SEZ6L: variants seen among roughly 807,000 people sequenced by gnomAD.
SEZ6L encodes the protein seizure related 6 homolog like.
SEZ6L carries 37 observed loss-of-function variants against 106.2 expected under a neutral mutation model. The observed-to-expected ratio is 0.35, with a 90% CI of 0.27 to 0.46. The LOEUF (loss-of-function observed/expected upper bound fraction) is 0.46. Ranked by LOEUF, SEZ6L falls within the 20% of genes least tolerant of loss-of-function variation. The pLI is 1.00. For synonymous variants in SEZ6L, 541 were observed against 570.4 expected (o/e 0.95, Z 0.73); for missense variants, 1,172 against 1,332.8 (o/e 0.88, Z 1.88).
chr22:26,177,080 T>C (rs550375844), intron 1 of SEZ6L, among the ~76,000 whole-genome samples: 37 of 152,322 alleles, frequency 2.4e-4, no homozygotes, highest in Non-Finnish European at 4.4e-4. Flanking sequence ...GTTAAATGAC[T>C]TTTCCTCTTA....
At chr22:26,194,580 C>T (rs1326467972) in intron 1 of SEZ6L, among the ~76,000 whole-genome samples, 1 of 152,148 alleles carries the variant, frequency 6.6e-6, no homozygotes, top group East Asian at 1.9e-4. Context: ...AATGAATCAA[C>T]CATTGGACAT....
intron 1 of SEZ6L, among the ~76,000 whole-genome samples, chr22:26,190,749 A>G (rs1940136280): frequency 6.6e-6 from 1 of 152,226 alleles, no homozygotes; most frequent in South Asian, 2.1e-4. Context: ...AAGGAATGTC[A>G]GGAGATGTTC....
chr22:26,373,948 C>G (rs1468867137), intron 14 of SEZ6L, among the ~76,000 whole-genome samples: 1 of 152,162 alleles, frequency 6.6e-6, no homozygotes, highest in Non-Finnish European at 1.5e-5. Context: ...CTTCTCCCAT[C>G]TCTCCTTACT....
chr22:26,317,387 G>T (rs1446324197), intron 9 of SEZ6L, among the ~76,000 whole-genome samples: 1 of 151,350 alleles, frequency 6.6e-6, no homozygotes, highest in African/African-American at 2.4e-5. Flanking sequence ...CCAGCCCCAG[G>T]CCCCATGAAG....
chr22:26,194,062 T>A (rs1315265620), intron 1 of SEZ6L, among the ~76,000 whole-genome samples: 2 of 152,002 alleles, frequency 1.3e-5, no homozygotes, highest in Non-Finnish European at 2.9e-5. Flanking sequence ...GAGGAGATGA[T>A]CCCTCCTAGA....
intron 1 of SEZ6L, among the ~76,000 whole-genome samples, chr22:26,243,500 G>A (rs1256651732): frequency 6.6e-6 from 1 of 152,188 alleles, no homozygotes; most frequent in East Asian, 1.9e-4. Context: ...GACCACACTG[G>A]GGATGTGCAG....
chr22:26,174,377 C>T (rs1024188700), intron 1 of SEZ6L, among the ~76,000 whole-genome samples: 1 of 152,174 alleles, frequency 6.6e-6, no homozygotes, highest in East Asian at 1.9e-4. Context: ...AACAGAGGAG[C>T]GAGTGGGAGG....
intron 1 of SEZ6L, among the ~76,000 whole-genome samples, chr22:26,174,764 A>T (rs1261196247): frequency 6.6e-6 from 1 of 152,172 alleles, no homozygotes; most frequent in Non-Finnish European, 1.5e-5. Context: ...AAGTATGGTG[A>T]GTTGGGAGGA....
At chr22:26,266,266 C>G (rs1162516523) in intron 1 of SEZ6L, among the ~76,000 whole-genome samples, 1 of 149,514 alleles carries the variant, frequency 6.7e-6, no homozygotes, top group Non-Finnish European at 1.5e-5. Context: ...TTAAAAAAAT[C>G]AAAATAAAAA....
rs981350662 is a variant in SEZ6L at position 26,380,147 on chromosome 22, G to A, written c.3046-119G>A. The A allele has an allele frequency of 6.0e-6, 5 of 834,448 alleles. No individual in the cohort carries two copies. The Admixed American group carries it at 9.7e-5, about 16-fold the overall frequency. 51.7% of individuals were successfully genotyped at this position (834,448 alleles called of 1,614,324 possible). ...AAGCAAATCAGGGTCAGAGTGGGAG[G>A]GCACTGAAAAGTCACGACCAAGGGC... On this transcript the variant is annotated intron_variant, in intron 16 of 16. Transcript: ENST00000248933.
intron 4 of SEZ6L, among the ~76,000 whole-genome samples, 164 bp from the exon 5 acceptor site, chr22:26,298,820 T>G (rs1321084295): frequency 6.6e-6 from 1 of 152,168 alleles, no homozygotes; most frequent in Non-Finnish European, 1.5e-5. Context: ...AGTTTCAGCC[T>G]GATATGATCA....
chr22:26,186,627 G>A (rs1477683958), intron 1 of SEZ6L, among the ~76,000 whole-genome samples: 4 of 152,164 alleles, frequency 2.6e-5, no homozygotes, highest in African/African-American at 9.7e-5. Flanking sequence ...GATGGTGGAG[G>A]ATGAGGGACC....
In SEZ6L at chr22:26,284,722, G is replaced by T. The variant is rs1360740535; in HGVS notation, c.95-7684G>T. On this transcript the variant is annotated intron_variant, in intron 1 of 16. Coordinates refer to ENST00000248933, the MANE Select transcript of SEZ6L (RefSeq NM_021115.5). ...AACAGAACGTAGGAGAGAAGTGCTT[G>T]TACTTTTGATTTCTTACCTCTCAGG... Among the ~76,000 whole-genome samples, 3 of 150,858 alleles carry T rather than the reference G, an allele frequency of 2.0e-5. 1 individual carries two copies. The highest frequency in any genetic ancestry group is 4.2e-4 in the South Asian group (2 of 4,770).
intron 1 of SEZ6L, among the ~76,000 whole-genome samples, chr22:26,229,886 G>A (rs1372588025): frequency 5.3e-5 from 8 of 152,228 alleles, no homozygotes; most frequent in Admixed American, 3.3e-4. Context: ...GCCAGGAAAG[G>A]CAAGTCAGGT....
intron 10 of SEZ6L, 87 bp from the exon 11 acceptor site, chr22:26,347,632 C>A: frequency 8.8e-7 from 1 of 1,140,446 alleles, no homozygotes; most frequent in Non-Finnish European, 1.2e-6. Flanking sequence ...TTTTTTTTCT[C>A]TTCGCTCATC....
chr22:26,339,427 A>T (rs942474598), intron 9 of SEZ6L, among the ~76,000 whole-genome samples: 1 of 152,204 alleles, frequency 6.6e-6, no homozygotes, highest in Non-Finnish European at 1.5e-5. Flanking sequence ...GATCAATTTT[A>T]TCTAGCATGT....
At chr22:26,258,926 G>C (rs2079911246) in intron 1 of SEZ6L, among the ~76,000 whole-genome samples, 1 of 152,210 alleles carries the variant, frequency 6.6e-6, no homozygotes, top group Non-Finnish European at 1.5e-5. Context: ...CATCATGGAA[G>C]GAGGATCTTT....
intron 9 of SEZ6L, among the ~76,000 whole-genome samples, chr22:26,339,168 C>A (rs2082745008): frequency 6.6e-6 from 1 of 152,072 alleles, no homozygotes; most frequent in Non-Finnish European, 1.5e-5. Flanking sequence ...CAATCCCTGG[C>A]TTACAAATCT....
intron 1 of SEZ6L, among the ~76,000 whole-genome samples, chr22:26,246,796 G>A (rs1369831235): frequency 6.6e-6 from 1 of 152,156 alleles, no homozygotes; most frequent in African/African-American, 2.4e-5. Flanking sequence ...TGTTGTTGCT[G>A]CTCTTAATTA....
Sources: allele counts gnomAD v4.1 joint callset (sites outside exome capture counted in the v4.1 genomes callset), GRCh38; gene constraint gnomAD v4.1.1; transcripts MANE v1.5; gene names NCBI Gene and HGNC (gene_info 2026-07-23, HGNC 2026-07-21).